ANKS1B: variants seen among roughly 807,000 people sequenced by gnomAD.
The protein encoded by ANKS1B is ankyrin repeat and sterile alpha motif domain containing 1B, also known as ankyrin repeat and sterile alpha motif domain-containing protein 1B.
Under a neutral mutation model 148.3 loss-of-function variants are expected in ANKS1B, and 36 were observed. That is an observed-to-expected ratio of 0.24 (90% CI 0.19 to 0.32). The LOEUF is 0.32. Among genes scored for constraint, ANKS1B ranks in the 10% least tolerant of loss-of-function variants. ANKS1B has a pLI of 1.00. For missense variants in ANKS1B, 1,157 were observed against 1,542.6 expected, an observed-to-expected ratio of 0.75 and a Z score of 4.19; for synonymous variants, 542 against 560.8, an observed-to-expected ratio of 0.97 and a Z score of 0.47.
At chr12:99,511,995 A>C (rs1472533554) in intron 9 of ANKS1B, among the ~76,000 whole-genome samples, 1 of 152,134 alleles carries the variant, frequency 6.6e-6, no homozygotes, top group Non-Finnish European at 1.5e-5. Context: ...TTCAGGACAT[A>C]GGCATGGGCA....
intron 11 of ANKS1B, among the ~76,000 whole-genome samples, chr12:99,428,359 C>T (rs182091499): frequency 7.5e-4 from 114 of 152,246 alleles, no homozygotes; most frequent in African/African-American, 2.7e-3. Context: ...GCTTTACTGG[C>T]ATGCGGTATC....
intron 17 of ANKS1B, among the ~76,000 whole-genome samples, chr12:99,014,833 AC>A (rs2099941448): frequency 1.3e-5 from 2 of 152,290 alleles, no homozygotes; most frequent in African/African-American, 4.8e-5. Context: ...ACCATCTTAC[AC>A]CAGTCTGACT....
At chr12:99,303,048 C>A (rs938804224) in intron 12 of ANKS1B, among the ~76,000 whole-genome samples, 1 of 152,024 alleles carries the variant, frequency 6.6e-6, no homozygotes, top group Non-Finnish European at 1.5e-5. Context: ...TCTTAGCAAA[C>A]GCACACACCG....
chr12:98,798,400 C>T (rs933916498), intron 22 of ANKS1B, among the ~76,000 whole-genome samples: 4 of 151,794 alleles, frequency 2.6e-5, no homozygotes, highest in African/African-American at 4.8e-5. Flanking sequence ...GGATTACAGA[C>T]GTGAGCCACT....
chr12:98,793,785 C>T (rs2098916781), intron 22 of ANKS1B, among the ~76,000 whole-genome samples: 2 of 152,164 alleles, frequency 1.3e-5, no homozygotes, highest in African/African-American at 4.8e-5. Flanking sequence ...TTACCTCTTA[C>T]AGTAACAGAT....
intron 10 of ANKS1B, among the ~76,000 whole-genome samples, chr12:99,466,706 C>T: frequency 6.6e-6 from 1 of 151,956 alleles, no homozygotes. Context: ...GGATAAATTC[C>T]TTGACACATA....
intron 4 of ANKS1B, among the ~76,000 whole-genome samples, chr12:99,805,283 A>AAAAAAAAAAAAAAAAAAC (rs1333956748): frequency 1.3e-5 from 2 of 148,710 alleles, no homozygotes; most frequent in African/African-American, 2.5e-5. Context: ...AAAAAAAAAA[A>AAAAAAAAAAAAAAAAAAC]AAAAAGACTA....
intron 12 of ANKS1B, among the ~76,000 whole-genome samples, chr12:99,280,162 G>A (rs187030256): frequency 2.1e-3 from 321 of 149,554 alleles, no homozygotes; most frequent in African/African-American, 7.4e-3. Context: ...GAGTCTGTGT[G>A]TGTGTGTGTA....
chr12:99,404,791 T>C (rs1375857783), intron 11 of ANKS1B, among the ~76,000 whole-genome samples: 1 of 145,366 alleles, frequency 6.9e-6, no homozygotes, highest in African/African-American at 2.6e-5. Context: ...AATATTCAAG[T>C]ATAAGAAGGC....
intron 15 of ANKS1B, among the ~76,000 whole-genome samples, chr12:99,101,596 C>T (rs1452807736): frequency 6.6e-6 from 1 of 152,158 alleles, no homozygotes; most frequent in Non-Finnish European, 1.5e-5. Flanking sequence ...GAGTCTCACT[C>T]TATTACCCAG....
chr12:98,933,541 T>C (rs530210816), intron 17 of ANKS1B, among the ~76,000 whole-genome samples: 1 of 152,214 alleles, frequency 6.6e-6, no homozygotes, highest in South Asian at 2.1e-4. Context: ...GATCATGTGG[T>C]AGACATATGT....
intron 9 of ANKS1B, among the ~76,000 whole-genome samples, chr12:99,591,023 G>A (rs989162173): frequency 2.7e-5 from 4 of 145,708 alleles, no homozygotes; most frequent in South Asian, 2.2e-4. Context: ...AAGTTCTTTC[G>A]GGTAAAGAAT....
At chr12:98,753,964 C>T (rs758483090) in intron 25 of ANKS1B, among the ~76,000 whole-genome samples, 1 of 152,174 alleles carries the variant, frequency 6.6e-6, no homozygotes, top group African/African-American at 2.4e-5. Context: ...ATGGTGCCTT[C>T]TGAGGCCATG....
At chr12:99,643,364 T>C (rs993334305) in intron 9 of ANKS1B, among the ~76,000 whole-genome samples, 22 of 152,228 alleles carry the variant, frequency 1.4e-4, no homozygotes, top group African/African-American at 5.3e-4. Context: ...TTCAATGATA[T>C]GACAAGTGTA....
chr12:99,429,648 A>G (rs980681968), intron 11 of ANKS1B, among the ~76,000 whole-genome samples: 1 of 152,206 alleles, frequency 6.6e-6, no homozygotes, highest in African/African-American at 2.4e-5. Context: ...TTCTGGTTAT[A>G]GATAAATATC....
At chr12:99,802,738 C>A (rs778794289) in intron 4 of ANKS1B, among the ~76,000 whole-genome samples, 1 of 151,890 alleles carries the variant, frequency 6.6e-6, no homozygotes, top group Non-Finnish European at 1.5e-5. Context: ...CATAGTGAGA[C>A]CTTTTCTCTA....
At chr12:99,079,233 C>G (rs2048854131) in intron 16 of ANKS1B, among the ~76,000 whole-genome samples, 2 of 152,088 alleles carry the variant, frequency 1.3e-5, no homozygotes, top group African/African-American at 4.8e-5. Context: ...TTGTTATATG[C>G]CACTAAAATT....
intron 8 of ANKS1B, among the ~76,000 whole-genome samples, chr12:99,747,874 C>G (rs766109110): frequency 6.6e-5 from 10 of 152,130 alleles, no homozygotes; most frequent in African/African-American, 9.7e-5. Context: ...CATCTAAACT[C>G]CTAAAGAATC....
chr12:98,969,183 C>T (rs2099881134), intron 17 of ANKS1B, among the ~76,000 whole-genome samples: 1 of 152,108 alleles, frequency 6.6e-6, no homozygotes, highest in African/African-American at 2.4e-5. Context: ...GATGGGAGTA[C>T]AGGAAAGTCA....
Sources: allele counts gnomAD v4.1 joint callset (sites outside exome capture counted in the v4.1 genomes callset), GRCh38; gene constraint gnomAD v4.1.1; transcripts MANE v1.5; gene names NCBI Gene and HGNC (gene_info 2026-07-23, HGNC 2026-07-21).